Variants in MEIS2 observed in about 807,000 individuals in gnomAD.
MEIS2 encodes homeobox protein Meis2.
Under a neutral mutation model 58.6 loss-of-function variants are expected in MEIS2, and 9 were observed. The observed-to-expected ratio is 0.15, with a 90% CI of 0.09 to 0.27. The LOEUF is 0.27. Ranked by LOEUF, MEIS2 falls within the 10% of genes least tolerant of loss-of-function variation. The pLI is 1.00. For synonymous variants in MEIS2, 221 were observed against 228.4 expected, an observed-to-expected ratio of 0.97 and a Z score of 0.29; for missense variants, 427 against 635.0, an observed-to-expected ratio of 0.67 and a Z score of 3.52.
intron 8 of MEIS2, among the ~76,000 whole-genome samples, chr15:37,004,702 A>G (rs73393521): frequency 0.013 from 2,045 of 152,354 alleles, 37 homozygotes; most frequent in African/African-American, 0.044. Flanking sequence ...AGACTTGGTC[A>G]GACAAAGCCC....
At chr15:36,905,153 G>A (rs1214558387) in intron 9 of MEIS2, among the ~76,000 whole-genome samples, 1 of 152,074 alleles carries the variant, frequency 6.6e-6, no homozygotes, top group African/African-American at 2.4e-5. Context: ...GCTGAAGTAG[G>A]GGTGATAAGG....
At chr15:36,932,828 A>G (rs1049166492) in intron 9 of MEIS2, among the ~76,000 whole-genome samples, 1 of 152,182 alleles carries the variant, frequency 6.6e-6, no homozygotes, top group African/African-American at 2.4e-5. Flanking sequence ...TTTGAGTGGT[A>G]TGTTGAAGGT....
chr15:36,996,980 G>C (rs150252977), intron 8 of MEIS2, among the ~76,000 whole-genome samples: 1 of 152,296 alleles, frequency 6.6e-6, no homozygotes, highest in Non-Finnish European at 1.5e-5. Flanking sequence ...ACAGAGCTGT[G>C]AATCACTGAA....
chr15:37,021,841 TC>T (rs2061536260), intron 8 of MEIS2, among the ~76,000 whole-genome samples: 1 of 152,228 alleles, frequency 6.6e-6, no homozygotes, highest in African/African-American at 2.4e-5. Flanking sequence ...TGTGCATATG[TC>T]CATATATATT....
At chr15:37,086,387 G>T (rs1892883983) in intron 6 of MEIS2, among the ~76,000 whole-genome samples, 1 of 152,158 alleles carries the variant, frequency 6.6e-6, no homozygotes, top group Admixed American at 6.6e-5. Context: ...ATAATTCAGT[G>T]TATTTCTTTC....
Position 37,004,564 on chromosome 15 carries a change from G to A in MEIS2, c.900+32250C>T, listed in dbSNP as rs961706310. 4.6e-5 allele frequency among the ~76,000 whole-genome samples: 7 copies of A among 152,200 alleles called. No individual in the cohort carries two copies. The South Asian group carries it at 1.4e-3, about 32-fold the overall frequency. On this transcript the variant is annotated intron_variant, in intron 8 of 11. Coordinates refer to ENST00000561208, the MANE Select transcript of MEIS2 (RefSeq NM_170675.5). ...TGTTACACGTGTCAGCATGCCCCATGTGCCCCATGTGCTTCAGATTGAGCT... is the reference window on the plus strand; with the variant it reads ...TGTTACACGTGTCAGCATGCCCCATATGCCCCATGTGCTTCAGATTGAGCT...
At chr15:37,095,505 T>A in intron 4 of MEIS2, 59 bp downstream of exon 4, 2 of 1,611,868 alleles carry the variant, frequency 1.2e-6, no homozygotes, top group Admixed American at 3.3e-5. Flanking sequence ...AGAAAGTGGG[T>A]GCTTCTGGGC....
chr15:36,906,512 G>A (rs965319864), intron 9 of MEIS2, among the ~76,000 whole-genome samples: 7 of 151,972 alleles, frequency 4.6e-5, no homozygotes, highest in South Asian at 2.1e-4. Flanking sequence ...AGTATGTTAC[G>A]GTGTATAGTT....
intron 8 of MEIS2, among the ~76,000 whole-genome samples, chr15:36,969,578 A>G (rs1027469734): frequency 6.6e-6 from 1 of 152,240 alleles, no homozygotes; most frequent in Admixed American, 6.5e-5. Context: ...TTTGAAATAA[A>G]TAATATTTAC....
intron 8 of MEIS2, among the ~76,000 whole-genome samples, chr15:37,030,248 C>T (rs149547136): frequency 0.01 from 1,581 of 152,288 alleles, 12 homozygotes; most frequent in Non-Finnish European, 0.016. Context: ...GCTTTCATGA[C>T]ACCAGGACTC....
chr15:36,921,528 G>C (rs1472470214), intron 9 of MEIS2, among the ~76,000 whole-genome samples: 3 of 152,150 alleles, frequency 2.0e-5, no homozygotes, highest in African/African-American at 7.2e-5. Flanking sequence ...TTAACTTTGG[G>C]AGTTGAAGGT....
At chr15:37,017,264 T>A (rs551950594) in intron 8 of MEIS2, among the ~76,000 whole-genome samples, 2 of 152,172 alleles carry the variant, frequency 1.3e-5, no homozygotes, top group Admixed American at 1.3e-4. Context: ...GAGAACATGG[T>A]AAAGGAGACG....
At chr15:37,053,374 C>T (rs536175299) in intron 7 of MEIS2, among the ~76,000 whole-genome samples, 1 of 152,326 alleles carries the variant, frequency 6.6e-6, no homozygotes, top group South Asian at 2.1e-4. Context: ...GAATTCACCG[C>T]TGACCCAGTA....
chr15:37,042,987 T>C (rs117232998), intron 7 of MEIS2, among the ~76,000 whole-genome samples: 1 of 152,354 alleles, frequency 6.6e-6, no homozygotes, highest in East Asian at 1.9e-4. Context: ...ATTACAACGA[T>C]ATATTCACAT....
At chr15:36,966,944 T>A (rs2059377846) in intron 8 of MEIS2, among the ~76,000 whole-genome samples, 1 of 152,044 alleles carries the variant, frequency 6.6e-6, no homozygotes, top group African/African-American at 2.4e-5. Flanking sequence ...AGGGGCTCAG[T>A]GGAAGGATGG....
intron 8 of MEIS2, among the ~76,000 whole-genome samples, chr15:37,016,825 A>G (rs1443315584): frequency 1.3e-5 from 2 of 152,208 alleles, no homozygotes; most frequent in Non-Finnish European, 2.9e-5. Context: ...CCACCCCCTC[A>G]ATGAAACACT....
chr15:36,970,624 G>A (rs964323310), intron 8 of MEIS2, among the ~76,000 whole-genome samples: 2 of 152,182 alleles, frequency 1.3e-5, no homozygotes, highest in African/African-American at 4.8e-5. Flanking sequence ...CAAGGAAAGT[G>A]ATTCCCCTCC....
intron 7 of MEIS2, among the ~76,000 whole-genome samples, chr15:37,054,933 G>T (rs574836178): frequency 1.3e-5 from 2 of 152,216 alleles, no homozygotes; most frequent in South Asian, 4.1e-4. Context: ...AATATTTATT[G>T]AGCACTTACT....
intron 9 of MEIS2, among the ~76,000 whole-genome samples, chr15:36,949,384 C>A (rs954090755): frequency 6.6e-6 from 1 of 151,956 alleles, no homozygotes. Flanking sequence ...TGTCTGCCTG[C>A]CTGTATCCCA....
Sources: gnomAD v4.1 joint callset for allele counts (sites outside exome capture counted in the v4.1 genomes callset) on GRCh38, gnomAD v4.1.1 for gene constraint, MANE v1.5 for transcripts, NCBI Gene and HGNC (gene_info 2026-07-23, HGNC 2026-07-21) for gene names.